GALK2: variants seen among roughly 807,000 people sequenced by gnomAD.
GALK2 encodes the protein N-acetylgalactosamine kinase.
Under a neutral mutation model 52.4 loss-of-function variants are expected in GALK2, and 36 were observed. The ratio of observed to expected loss-of-function variants is 0.69; its 90% CI spans 0.53 to 0.91. GALK2 has a LOEUF of 0.91. Among genes scored for constraint, GALK2 ranks in the 40% least tolerant of loss-of-function variants. GALK2 has a pLI of 0.00. For missense variants in GALK2, 579 were observed against 559.1 expected (o/e 1.04, Z -0.36); for synonymous variants, 176 against 199.1 (o/e 0.88, Z 0.98).
At chr15:49,295,498 C>T (rs1567033052) in intron 8 of GALK2, among the ~76,000 whole-genome samples, 1 of 152,098 alleles carries the variant, frequency 6.6e-6, no homozygotes, top group Admixed American at 6.5e-5. Context: ...TCTTAATAGA[C>T]ATTGAAAATG....
In GALK2 at chr15:49,319,718, G is replaced by C; in HGVS notation, c.1082G>C (p.Gly361Ala). ...EAPENMVQLLGELMNQSHMSC... is the reference protein window; with the variant it reads ...EAPENMVQLLAELMNQSHMSC... ...CCTGAAAACATGGTCCAGCTGCTGG[G>C]AGAGTTGATGAACCAGAGCCACATG... The change falls in exon 9 of 10, where the codon GGA becomes GCA. Residue 361 changes from glycine to alanine, a missense_variant. Physicochemically the swap from Gly to Ala is moderately conservative, Grantham distance 60. Transcript: ENST00000560031. The C allele has an allele frequency of 6.2e-7, 1 of 1,614,170 alleles. No homozygotes were observed. The highest frequency in any genetic ancestry group is 8.5e-7 in the Non-Finnish European group (1 of 1,180,030).
chr15:49,357,219 A>G (rs554302529), intron 3 of GALK2, among the ~76,000 whole-genome samples: 240 of 150,468 alleles, frequency 1.6e-3, no homozygotes, highest in African/African-American at 5.2e-3. Flanking sequence ...GCAGAAGGCA[A>G]GAAATAACTA....
intron 9 of GALK2, among the ~76,000 whole-genome samples, chr15:49,324,835 T>C (rs59356430): frequency 0.25 from 37,480 of 152,036 alleles, 4,915 homozygotes; most frequent in African/African-American, 0.31. Flanking sequence ...ACCTAGAATT[T>C]CTAGAATTGT....
At chr15:49,295,651 A>G (rs2034410497) in intron 8 of GALK2, among the ~76,000 whole-genome samples, 1 of 152,092 alleles carries the variant, frequency 6.6e-6, no homozygotes. Flanking sequence ...TTGAGCCCAT[A>G]CTTGCCTGTG....
intron 5 of GALK2, among the ~76,000 whole-genome samples, chr15:49,266,247 A>G (rs528163833): frequency 3.3e-5 from 5 of 152,128 alleles, no homozygotes; most frequent in South Asian, 2.1e-4. Context: ...GTGCTTTTCA[A>G]GTTTCTGTTT....
At chr15:49,297,031 T>G (rs1031874572) in intron 8 of GALK2, among the ~76,000 whole-genome samples, 2 of 152,228 alleles carry the variant, frequency 1.3e-5, no homozygotes, top group Non-Finnish European at 2.9e-5. Flanking sequence ...ATGGCTGAAT[T>G]AATTTACGTT....
At chr15:49,223,549 T>C (rs1476575703) in intron 3 of GALK2, among the ~76,000 whole-genome samples, 1 of 152,136 alleles carries the variant, frequency 6.6e-6, no homozygotes, top group Admixed American at 6.5e-5. Flanking sequence ...GCCCCCGCCA[T>C]TGCTTACTAG....
At chr15:49,331,910 A>C, downstream of GALK2, 2 of 928,238 alleles carry the variant, frequency 2.2e-6, no homozygotes, top group South Asian at 2.7e-5. Context: ...GACACCATCT[A>C]AATAGCCAAC....
chr15:49,166,161 G>C (rs16962139), upstream of GALK2, among the ~76,000 whole-genome samples: 10,294 of 152,134 alleles, frequency 0.068, 728 homozygotes, highest in African/African-American at 0.17. Context: ...ACTTTGAGTA[G>C]AAAAACTTAG....
intron 3 of GALK2, chr15:49,366,590 G>C (rs1279993328): frequency 1.9e-6 from 3 of 1,599,106 alleles, no homozygotes; most frequent in Non-Finnish European, 2.6e-6. Flanking sequence ...ATTTCCAGAC[G>C]CATGCAAGAT....
At chr15:49,230,540 G>T (rs1014278869) in intron 3 of GALK2, among the ~76,000 whole-genome samples, 1 of 151,966 alleles carries the variant, frequency 6.6e-6, no homozygotes, top group Non-Finnish European at 1.5e-5. Context: ...TTGTCAACTT[G>T]TTATTTTGGT....
chr15:49,282,542 T>C (rs892947287), intron 6 of GALK2, among the ~76,000 whole-genome samples: 1 of 152,188 alleles, frequency 6.6e-6, no homozygotes, highest in African/African-American at 2.4e-5. Flanking sequence ...GGTATCATTT[T>C]TCCTGTCAAC....
chr15:49,352,200 C>G (rs2042355147), intron 3 of GALK2, among the ~76,000 whole-genome samples: 1 of 152,162 alleles, frequency 6.6e-6, no homozygotes, highest in Admixed American at 6.5e-5. Context: ...ATCCCAAAAG[C>G]AAGAGTGAAA....
intron 3 of GALK2, among the ~76,000 whole-genome samples, chr15:49,231,958 C>G (rs1267164833): frequency 6.6e-6 from 1 of 152,228 alleles, no homozygotes; most frequent in South Asian, 2.1e-4. Context: ...CCTGGTTGAT[C>G]TACCATTCTG....
At position 49,328,795 on chromosome 15, in the gene GALK2, AAGG is replaced by A. The variant is rs1756546105; in HGVS notation, c.*641_*643del. The A allele has an allele frequency of 7.0e-7, 1 of 1,429,240 alleles. No homozygotes were observed. Among genetic ancestry groups the A allele is most frequent in the Non-Finnish European group, 9.1e-7 (1 of 1,093,040 alleles). The allele number at this position is 1,429,240 out of a possible 1,614,324, so 88.5% of individuals were successfully genotyped here. On this transcript the variant is annotated 3_prime_UTR_variant, in exon 10 of 10. Coordinates refer to ENST00000560031, the MANE Select transcript of GALK2 (RefSeq NM_002044.4). The stretch of plus-strand genomic sequence containing the variant: ...AAGGATTTTTTTTTTTTTTTGACAA[AAGG>A]AGGATACAGGAAGAAAATTCAGACT...
chr15:49,260,235 A>G (rs2141619180), intron 5 of GALK2, among the ~76,000 whole-genome samples: 1 of 151,726 alleles, frequency 6.6e-6, no homozygotes, highest in African/African-American at 2.4e-5. Flanking sequence ...CATCCTCTCC[A>G]GCACCTGTTG....
At chr15:49,316,097 T>C (rs909506790) in intron 8 of GALK2, among the ~76,000 whole-genome samples, 3 of 152,196 alleles carry the variant, frequency 2.0e-5, no homozygotes, top group Non-Finnish European at 1.5e-5. Context: ...ACTAAACTAC[T>C]AAATTCTTGA....
intron 5 of GALK2, among the ~76,000 whole-genome samples, chr15:49,266,282 T>C (rs543478427): frequency 6.6e-6 from 1 of 152,118 alleles, no homozygotes; most frequent in African/African-American, 2.4e-5. Context: ...TCTACCCAAA[T>C]TGAGCAAAGC....
intron 5 of GALK2, among the ~76,000 whole-genome samples, chr15:49,239,979 A>G (rs376861157): frequency 1.3e-5 from 2 of 152,160 alleles, no homozygotes; most frequent in Admixed American, 1.3e-4. Flanking sequence ...AAATGTTATC[A>G]TAGGTTCTTT....
Sources: allele counts gnomAD v4.1 joint callset (sites outside exome capture counted in the v4.1 genomes callset), GRCh38; gene constraint gnomAD v4.1.1; transcripts MANE v1.5; gene names NCBI Gene and HGNC (gene_info 2026-07-23, HGNC 2026-07-21).